Variants in HIBCH observed in about 807,000 individuals in gnomAD.
The protein encoded by HIBCH is 3-hydroxyisobutyryl-CoA hydrolase, mitochondrial.
Under a neutral mutation model 58.2 loss-of-function variants are expected in HIBCH, and 50 were observed. The observed-to-expected ratio is 0.86, with a 90% CI of 0.68 to 1.09. The LOEUF is 1.09. Among genes scored for constraint, HIBCH ranks in the 50% least tolerant of loss-of-function variants. The pLI is 0.00. For synonymous variants in HIBCH, 151 were observed against 146.9 expected (o/e 1.03, Z -0.20); for missense variants, 450 against 449.7 (o/e 1.00, Z -0.01).
intron 2 of HIBCH, among the ~76,000 whole-genome samples, chr2:190,299,664 G>T (rs1229262138): frequency 6.6e-6 from 1 of 152,060 alleles, no homozygotes; most frequent in African/African-American, 2.4e-5. Flanking sequence ...CAGTGTTAAG[G>T]TTTTGTTTTT....
chr2:190,263,490 T>A (rs1199882263), intron 6 of HIBCH, among the ~76,000 whole-genome samples: 1 of 152,166 alleles, frequency 6.6e-6, no homozygotes, highest in Non-Finnish European at 1.5e-5. Context: ...GTCATCCTTC[T>A]ACTCCACTTC....
intron 6 of HIBCH, among the ~76,000 whole-genome samples, chr2:190,275,690 G>C (rs1687530248): frequency 6.6e-6 from 1 of 152,194 alleles, no homozygotes; most frequent in Non-Finnish European, 1.5e-5. Flanking sequence ...TTTACAAATA[G>C]ATAACTCTTT....
intron 2 of HIBCH, among the ~76,000 whole-genome samples, chr2:190,307,078 A>G (rs1688432023): frequency 6.6e-6 from 1 of 152,206 alleles, no homozygotes; most frequent in African/African-American, 2.4e-5. Context: ...AATGGACTAA[A>G]ACACTATCAT....
chr2:190,308,524 G>A (rs932878725), intron 2 of HIBCH, among the ~76,000 whole-genome samples: 1 of 152,108 alleles, frequency 6.6e-6, no homozygotes, highest in African/African-American at 2.4e-5. Context: ...TATTATGGGA[G>A]TAAGACTGTA....
chr2:190,218,062 T>C (rs1194201309), intron 11 of HIBCH, among the ~76,000 whole-genome samples: 1 of 152,036 alleles, frequency 6.6e-6, no homozygotes, highest in Non-Finnish European at 1.5e-5. Flanking sequence ...ATCAAACTAA[T>C]AGTCAACATA....
intron 11 of HIBCH, among the ~76,000 whole-genome samples, chr2:190,221,816 T>C (rs570858654): frequency 3.4e-3 from 525 of 152,242 alleles, no homozygotes; most frequent in African/African-American, 0.012. Context: ...TTGACAGCAA[T>C]GCTTTGGAGA....
intron 1 of HIBCH, among the ~76,000 whole-genome samples, chr2:190,317,180 G>A (rs1017378551): frequency 5.9e-5 from 9 of 152,170 alleles, no homozygotes; most frequent in African/African-American, 1.7e-4. Context: ...AGGATTACAG[G>A]CATGAACCAC....
intron 1 of HIBCH, among the ~76,000 whole-genome samples, chr2:190,312,749 G>A (rs1356654353): frequency 2.0e-5 from 3 of 152,102 alleles, no homozygotes; most frequent in Non-Finnish European, 4.4e-5. Context: ...TTCTGAATTT[G>A]TCTCACAAGT....
rs1685581289 is a variant in HIBCH, at chr2:190,217,196, C to A, written c.892-4121G>T. On this transcript the variant is annotated intron_variant, in intron 11 of 13. Transcript: ENST00000359678. This position sits in a 1 kb window ranked among gnomAD's most constrained non-coding sequence, Gnocchi z 4.6. The stretch of plus-strand genomic sequence containing the variant: ...AAGTTCCTCCAGGGGTCAGTGGACC[C>A]TGGGGAAGTGCCTCACCTAACTCCA... 6.6e-6 allele frequency among the ~76,000 whole-genome samples: 1 copy of A among 152,178 alleles called. No individual in the cohort carries two copies. The highest frequency in any genetic ancestry group is 6.5e-5 in the Admixed American group (1 of 15,292).
chr2:190,251,114 C>T (rs1168791291), intron 8 of HIBCH, among the ~76,000 whole-genome samples: 3 of 152,138 alleles, frequency 2.0e-5, no homozygotes, highest in Non-Finnish European at 4.4e-5. Flanking sequence ...CCGGCAACCT[C>T]TAAAAATATA....
intron 11 of HIBCH, among the ~76,000 whole-genome samples, chr2:190,228,550 A>T (rs578078326): frequency 0.021 from 2,567 of 123,186 alleles, 26 homozygotes; most frequent in African/African-American, 0.036. Context: ...AAGTATAATT[A>T]AAAAAAAAGA....
At chr2:190,252,020 C>G (rs1686786822) in intron 8 of HIBCH, 142 bp downstream of exon 8, 1 of 727,532 alleles carries the variant, frequency 1.4e-6, no homozygotes, top group Non-Finnish European at 2.4e-6. Context: ...TCCAAGGTAA[C>G]ACAGCTATAA....
chr2:190,298,296 G>A (rs1331263326), intron 2 of HIBCH, among the ~76,000 whole-genome samples: 1 of 152,198 alleles, frequency 6.6e-6, no homozygotes, highest in Non-Finnish European at 1.5e-5. Flanking sequence ...GGGTCAAACA[G>A]TATTTCTGGT....
intron 11 of HIBCH, among the ~76,000 whole-genome samples, chr2:190,231,337 A>G (rs1422395923): frequency 6.6e-6 from 1 of 152,248 alleles, no homozygotes; most frequent in African/African-American, 2.4e-5. Flanking sequence ...TACTGATAAA[A>G]GAGAAAAAGA....
intron 6 of HIBCH, among the ~76,000 whole-genome samples, chr2:190,273,707 A>T (rs116357661): frequency 2.6e-5 from 4 of 151,140 alleles, no homozygotes; most frequent in South Asian, 2.1e-4. Context: ...GTTTTTTTAA[A>T]AAAAAAAGAG....
downstream of HIBCH, chr2:190,202,935 T>C (rs1270301779): frequency 6.0e-6 from 1 of 167,094 alleles, no homozygotes; most frequent in African/African-American, 2.4e-5. Flanking sequence ...TTCTCTACTT[T>C]TGTTGCCTTA....
At chr2:190,245,943 TTGCACCAC>T (rs1382428341) in intron 10 of HIBCH, among the ~76,000 whole-genome samples, 8 of 150,086 alleles carry the variant, frequency 5.3e-5, no homozygotes, top group Non-Finnish European at 1.0e-4. Context: ...TGAGCTGAGA[TTGCACCAC>T]TGCACTCCAG....
At chr2:190,261,133 T>C (rs1553501841) in intron 7 of HIBCH, 23 bp downstream of exon 7, 5 of 1,556,452 alleles carry the variant, frequency 3.2e-6, no homozygotes, top group African/African-American at 1.4e-5. Context: ...AAAGTAATTA[T>C]AAAAAAAATT....
intron 11 of HIBCH, among the ~76,000 whole-genome samples, chr2:190,225,225 C>T (rs1685852412): frequency 1.3e-5 from 2 of 152,046 alleles, no homozygotes; most frequent in South Asian, 4.2e-4. Flanking sequence ...GAAGCAAGAA[C>T]AAACACATTC....
Sources: allele counts gnomAD v4.1 joint callset (sites outside exome capture counted in the v4.1 genomes callset), GRCh38; gene constraint gnomAD v4.1.1; non-coding constraint Gnocchi (gnomAD v3.1); transcripts MANE v1.5; gene names NCBI Gene and HGNC (gene_info 2026-07-23, HGNC 2026-07-21).